Variants in XKR9 observed in about 807,000 individuals in gnomAD.
The protein encoded by XKR9 is XK related 9, also known as XK-related protein 9.
Under a neutral mutation model 32.0 loss-of-function variants are expected in XKR9, and 32 were observed. That is an observed-to-expected ratio of 1.00 (90% CI 0.76 to 1.34). The LOEUF (loss-of-function observed/expected upper bound fraction) is 1.34, where lower values mean the gene tolerates loss of function less well. XKR9 is among the 40% of genes most tolerant of loss of function. The pLI is 0.00. For missense variants in XKR9, 546 were observed against 429.7 expected (o/e 1.27, Z -2.39); for synonymous variants, 168 against 143.4 (o/e 1.17, Z -1.22).
chr8:70,754,566 T>C (rs1210050542), intron 2 of XKR9, among the ~76,000 whole-genome samples: 1 of 137,748 alleles, frequency 7.3e-6, no homozygotes, highest in Admixed American at 7.3e-5. Flanking sequence ...CCAAAACAGA[T>C]ATAGATCAGT....
chr8:70,909,423 G>A, the XKR9 span, among the ~76,000 whole-genome samples: 8 of 152,052 alleles, frequency 5.3e-5, no homozygotes, highest in Admixed American at 3.9e-4. Flanking sequence ...TCGTGTCTGG[G>A]TTAGATGTGT....
intron 2 of XKR9, among the ~76,000 whole-genome samples, chr8:70,781,408 G>A (rs890091766): frequency 6.6e-6 from 1 of 151,284 alleles, no homozygotes; most frequent in African/African-American, 2.4e-5. Context: ...ATTTTTAGTT[G>A]ACATGTAATA....
At chr8:71,051,144 T>C in the XKR9 span, among the ~76,000 whole-genome samples, 1 of 152,214 alleles carries the variant, frequency 6.6e-6, no homozygotes, top group Non-Finnish European at 1.5e-5. Flanking sequence ...CAGTATACTT[T>C]AAAAACTGTA....
intron 2 of XKR9, among the ~76,000 whole-genome samples, chr8:70,756,100 C>A (rs367621410): frequency 1.3e-5 from 2 of 152,014 alleles, no homozygotes; most frequent in Non-Finnish European, 2.9e-5. Context: ...TATCCAGTTA[C>A]CCCCGTACCA....
the XKR9 span, among the ~76,000 whole-genome samples, chr8:70,827,360 G>C: frequency 1.3e-5 from 2 of 152,088 alleles, no homozygotes; most frequent in Non-Finnish European, 2.9e-5. Flanking sequence ...CAAAAGTTAA[G>C]ACTCAACATT....
the XKR9 span, among the ~76,000 whole-genome samples, chr8:71,019,136 TCTC>T: frequency 1.3e-5 from 2 of 151,728 alleles, no homozygotes; most frequent in Non-Finnish European, 2.9e-5. Context: ...TTTCTTTCCT[TCTC>T]CTTTTTTTTT....
At chr8:70,917,406 G>A in the XKR9 span, among the ~76,000 whole-genome samples, 1 of 151,580 alleles carries the variant, frequency 6.6e-6, no homozygotes, top group African/African-American at 2.4e-5. Context: ...TATCTGTTTT[G>A]TTCACGTCTA....
intron 4 of XKR9, among the ~76,000 whole-genome samples, chr8:70,711,478 C>T (rs917528247): frequency 1.3e-5 from 2 of 152,176 alleles, no homozygotes; most frequent in African/African-American, 4.8e-5. Context: ...TTTGCAGCAA[C>T]ATGGATGCAG....
At chr8:70,837,812 C>T in the XKR9 span, among the ~76,000 whole-genome samples, 1 of 152,020 alleles carries the variant, frequency 6.6e-6, no homozygotes. Flanking sequence ...TGCATTCCTT[C>T]TCTCTGTTTC....
At chr8:71,040,942 A>C in the XKR9 span, among the ~76,000 whole-genome samples, 180 of 152,282 alleles carry the variant, frequency 1.2e-3, no homozygotes, top group African/African-American at 4.2e-3. Flanking sequence ...TTACTTGGTC[A>C]GATGGTCTGA....
At chr8:70,992,717 T>G in the XKR9 span, among the ~76,000 whole-genome samples, 4 of 152,208 alleles carry the variant, frequency 2.6e-5, no homozygotes, top group Non-Finnish European at 4.4e-5. Context: ...AGAGCCCTGG[T>G]GTTGGTGTTT....
At chr8:70,812,288 A>T in the XKR9 span, among the ~76,000 whole-genome samples, 1 of 152,238 alleles carries the variant, frequency 6.6e-6, no homozygotes, top group Admixed American at 6.5e-5. Context: ...GATGGGACGT[A>T]TCTCAAAATA....
the XKR9 span, among the ~76,000 whole-genome samples, chr8:70,946,591 A>G: frequency 6.6e-6 from 1 of 152,174 alleles, no homozygotes; most frequent in Non-Finnish European, 1.5e-5. Context: ...CACTAAATAG[A>G]GAAACTGGGA....
intron 3 of XKR9, among the ~76,000 whole-genome samples, chr8:70,702,659 A>G (rs1334529291): frequency 6.6e-6 from 1 of 152,160 alleles, no homozygotes; most frequent in Admixed American, 6.5e-5. Context: ...TTATTCTTAT[A>G]TTATTATGAC....
intron 3 of XKR9, among the ~76,000 whole-genome samples, chr8:70,691,771 T>G (rs1805079060): frequency 6.6e-6 from 1 of 152,180 alleles, no homozygotes; most frequent in Admixed American, 6.5e-5. Flanking sequence ...CATTGGTCTG[T>G]GTGTCTGTTT....
At chr8:70,900,670 AATT>A in the XKR9 span, among the ~76,000 whole-genome samples, 1 of 152,002 alleles carries the variant, frequency 6.6e-6, no homozygotes, top group Non-Finnish European at 1.5e-5. Flanking sequence ...TCCTTTTTTA[AATT>A]ATTATACTTT....
At chr8:70,842,937 AGAAG>A in the XKR9 span, among the ~76,000 whole-genome samples, 1 of 152,154 alleles carries the variant, frequency 6.6e-6, no homozygotes, top group Non-Finnish European at 1.5e-5. Flanking sequence ...GAAGAAGGAG[AGAAG>A]GAAGGAAAGA....
chr8:70,712,920 T>C (rs1805967782), intron 4 of XKR9, among the ~76,000 whole-genome samples: 1 of 152,014 alleles, frequency 6.6e-6, no homozygotes, highest in Non-Finnish European at 1.5e-5. Context: ...CAGTAGTTTA[T>C]AGCACCAAAA....
At chr8:70,852,529 C>T in the XKR9 span, among the ~76,000 whole-genome samples, 1 of 152,148 alleles carries the variant, frequency 6.6e-6, no homozygotes, top group Admixed American at 6.6e-5. Flanking sequence ...AATCATTCTA[C>T]TATAAATATA....
Sources: gnomAD v4.1 joint callset for allele counts (sites outside exome capture counted in the v4.1 genomes callset) on GRCh38, gnomAD v4.1.1 for gene constraint, MANE v1.5 for transcripts, NCBI Gene and HGNC (gene_info 2026-07-23, HGNC 2026-07-21) for gene names.